UCK2: variants seen among roughly 807,000 people sequenced by gnomAD.
UCK2 encodes uridine-cytidine kinase 2.
In UCK2, 6 loss-of-function variants were observed where a neutral mutation model predicts 30.8. The ratio of observed to expected loss-of-function variants is 0.19; its 90% CI spans 0.11 to 0.38. UCK2 has a LOEUF of 0.38. UCK2 is among the 10% of genes least tolerant of loss of function. UCK2 has a pLI of 1.00. For synonymous variants in UCK2, 125 were observed against 133.6 expected, an observed-to-expected ratio of 0.94 and a Z score of 0.45; for missense variants, 210 against 339.8, an observed-to-expected ratio of 0.62 and a Z score of 3.00.
At chr1:165,835,463 G>A (rs1230539988) in intron 1 of UCK2, among the ~76,000 whole-genome samples, 1 of 151,988 alleles carries the variant, frequency 6.6e-6, no homozygotes. Context: ...GGGCTCCCAA[G>A]GTGCTGGGAC....
intron 1 of UCK2, among the ~76,000 whole-genome samples, chr1:165,842,486 A>T (rs551374388): frequency 6.6e-6 from 1 of 152,274 alleles, no homozygotes; most frequent in South Asian, 2.1e-4. Flanking sequence ...ACACAGATGT[A>T]CAAGACAGAA....
intron 1 of UCK2, among the ~76,000 whole-genome samples, chr1:165,889,495 T>C (rs571331042): frequency 1.3e-5 from 2 of 152,272 alleles, no homozygotes; most frequent in African/African-American, 4.8e-5. Flanking sequence ...CAGGATCAGG[T>C]AGCCCTACCT....
intron 4 of UCK2, 47 bp downstream of exon 4, chr1:165,896,379 G>T (rs1647260631): frequency 6.2e-7 from 1 of 1,609,220 alleles, no homozygotes; most frequent in Non-Finnish European, 8.5e-7. Context: ...CCACCTTGAG[G>T]GCGGGGGAGC....
intron 1 of UCK2, among the ~76,000 whole-genome samples, chr1:165,847,119 AAGT>A (rs1382603340): frequency 6.6e-6 from 1 of 152,078 alleles, no homozygotes; most frequent in Non-Finnish European, 1.5e-5. Context: ...ACTTTGGTAA[AAGT>A]AAAAAAAAAA....
At chr1:165,874,517 C>T (rs1232662458) in intron 1 of UCK2, among the ~76,000 whole-genome samples, 2 of 152,090 alleles carry the variant, frequency 1.3e-5, no homozygotes, top group Admixed American at 6.5e-5. Flanking sequence ...ACAAAGGTCT[C>T]CATCCCCTGC....
intron 4 of UCK2, among the ~76,000 whole-genome samples, chr1:165,898,528 T>C (rs1245911415): frequency 6.6e-6 from 1 of 152,178 alleles, no homozygotes; most frequent in Non-Finnish European, 1.5e-5. Context: ...GAGCTAGTGA[T>C]GCCCGGACTG....
intron 1 of UCK2, among the ~76,000 whole-genome samples, chr1:165,836,235 AAAAAC>A (rs1164633111): frequency 6.6e-6 from 1 of 152,164 alleles, no homozygotes; most frequent in Non-Finnish European, 1.5e-5. Flanking sequence ...TCTCAAAACA[AAAAAC>A]AAAACAAAAA....
intron 1 of UCK2, among the ~76,000 whole-genome samples, chr1:165,883,622 G>A (rs1353224958): frequency 6.6e-6 from 1 of 152,152 alleles, no homozygotes; most frequent in Non-Finnish European, 1.5e-5. Flanking sequence ...GATCCTGTAT[G>A]TGGTGGCATG....
At chr1:165,836,213 A>C (rs1654184658) in intron 1 of UCK2, among the ~76,000 whole-genome samples, 3 of 151,880 alleles carry the variant, frequency 2.0e-5, no homozygotes, top group African/African-American at 7.3e-5. Context: ...GGGCGACAAG[A>C]GCAAGACTCC....
chr1:165,893,407 A>G (rs1193270468), intron 3 of UCK2, among the ~76,000 whole-genome samples: 1 of 152,166 alleles, frequency 6.6e-6, no homozygotes, highest in Non-Finnish European at 1.5e-5. Flanking sequence ...CCCTAGACCC[A>G]TATCCACCCC....
chr1:165,885,281 A>G (rs936584293), intron 1 of UCK2: 4 of 397,764 alleles, frequency 1.0e-5, no homozygotes, highest in Non-Finnish European at 1.8e-5. Flanking sequence ...ATTTCACGTG[A>G]TCAATTTTCT....
At chr1:165,837,450 A>T (rs939335669) in intron 1 of UCK2, among the ~76,000 whole-genome samples, 1 of 152,184 alleles carries the variant, frequency 6.6e-6, no homozygotes, top group Non-Finnish European at 1.5e-5. Context: ...GCTAACATTC[A>T]TCTCAACTGG....
At chr1:165,863,471 G>A (rs1374593280) in intron 1 of UCK2, among the ~76,000 whole-genome samples, 2 of 152,184 alleles carry the variant, frequency 1.3e-5, no homozygotes, top group Admixed American at 1.3e-4. Context: ...GGTTAAGTTG[G>A]CATTAGAAGC....
intron 1 of UCK2, among the ~76,000 whole-genome samples, chr1:165,853,565 T>A (rs1251141889): frequency 6.6e-6 from 1 of 152,112 alleles, no homozygotes; most frequent in Non-Finnish European, 1.5e-5. Flanking sequence ...AAAGGAATTT[T>A]AAACCTCAGA....
chr1:165,861,904 T>C (rs572890610), intron 1 of UCK2, among the ~76,000 whole-genome samples: 162 of 152,358 alleles, frequency 1.1e-3, no homozygotes, highest in Non-Finnish European at 1.6e-3. Flanking sequence ...ATACCACTTT[T>C]AATTTCAGCA....
At chr1:165,869,608 A>T (rs1655144658) in intron 1 of UCK2, among the ~76,000 whole-genome samples, 1 of 148,014 alleles carries the variant, frequency 6.8e-6, no homozygotes, top group Non-Finnish European at 1.5e-5. Flanking sequence ...TTTCTTTCTT[A>T]AAAAAAAAAT....
intron 1 of UCK2, among the ~76,000 whole-genome samples, chr1:165,864,501 A>C (rs192025844): frequency 3.5e-4 from 54 of 152,338 alleles, no homozygotes; most frequent in Middle Eastern, 6.8e-3. Flanking sequence ...AAAAGTAATT[A>C]GAATAGAATA....
intron 1 of UCK2, among the ~76,000 whole-genome samples, chr1:165,858,913 T>C (rs999112812): frequency 1.3e-5 from 2 of 152,202 alleles, no homozygotes; most frequent in Non-Finnish European, 2.9e-5. Context: ...TTCTGAGGCC[T>C]TCAGGGACTA....
chr1:165,878,225 G>A (rs1655388745), intron 1 of UCK2, among the ~76,000 whole-genome samples: 1 of 152,010 alleles, frequency 6.6e-6, no homozygotes, highest in Non-Finnish European at 1.5e-5. Context: ...ATATACTGTA[G>A]TTGAAATCAT....
Sources: allele counts gnomAD v4.1 joint callset (sites outside exome capture counted in the v4.1 genomes callset), GRCh38; gene constraint gnomAD v4.1.1; transcripts MANE v1.5; gene names NCBI Gene and HGNC (gene_info 2026-07-23, HGNC 2026-07-21).